GAREM2: variants seen among roughly 807,000 people sequenced by gnomAD.
GAREM2 encodes GRB2-associated and regulator of MAPK protein 2.
A neutral mutation model predicts 55.6 loss-of-function variants in GAREM2; 30 were observed. The observed-to-expected ratio is 0.54, with a 90% confidence interval of 0.40 to 0.73. GAREM2 has a LOEUF of 0.73. GAREM2 is among the 30% of genes least tolerant of loss of function. GAREM2 has a pLI of 0.00. For missense variants in GAREM2, 1,075 were observed against 1,257.7 expected, an observed-to-expected ratio of 0.85 and a Z score of 2.20; for synonymous variants, 550 against 569.1, an observed-to-expected ratio of 0.97 and a Z score of 0.48.
At chr2:26,180,369 T>A (rs1669006144) in intron 2 of GAREM2, among the ~76,000 whole-genome samples, 1 of 152,146 alleles carries the variant, frequency 6.6e-6, no homozygotes, top group South Asian at 2.1e-4. Context: ...GGGATGAACA[T>A]CCCCAAAGGG....
intron 1 of GAREM2, among the ~76,000 whole-genome samples, chr2:26,174,079 G>C (rs1427954926): frequency 6.6e-6 from 1 of 152,180 alleles, no homozygotes; most frequent in Non-Finnish European, 1.5e-5. Context: ...GCGGTAGCCG[G>C]GGCTGGCAGC....
At chr2:26,181,248 C>A in intron 2 of GAREM2, 1 of 562,434 alleles carries the variant, frequency 1.8e-6, no homozygotes, top group Non-Finnish European at 2.3e-6. Flanking sequence ...TGTCTGCATC[C>A]CCTCCTGTCC....
At chr2:26,181,954 G>A in intron 2 of GAREM2, 2 of 971,282 alleles carry the variant, frequency 2.1e-6, no homozygotes, top group Non-Finnish European at 2.4e-6. Context: ...ACTCCAGCCT[G>A]GGCGACAGCA....
At chr2:26,192,320 TAGG>T, downstream of GAREM2, 3 of 1,566,624 alleles carry the variant, frequency 1.9e-6, no homozygotes, top group Non-Finnish European at 1.8e-6. Flanking sequence ...ACTTCAGACT[TAGG>T]AGGCAGCTTC....
chr2:26,203,519 C>T, the GAREM2 span, among the ~76,000 whole-genome samples: 1 of 152,120 alleles, frequency 6.6e-6, no homozygotes, highest in African/African-American at 2.4e-5. Flanking sequence ...TGTAAAGCCC[C>T]AGACACTGTG....
chr2:26,199,972 T>C, the GAREM2 span, among the ~76,000 whole-genome samples: 1 of 152,106 alleles, frequency 6.6e-6, no homozygotes, highest in Non-Finnish European at 1.5e-5. Context: ...CCTGCCCAGA[T>C]TGCAGAATTG....
chr2:26,202,763 G>C, the GAREM2 span, among the ~76,000 whole-genome samples: 2 of 152,096 alleles, frequency 1.3e-5, no homozygotes, highest in East Asian at 1.9e-4. Context: ...CATCAAATAA[G>C]GTCTTAAAAG....
chr2:26,191,832 CTG>C (rs1196049467), downstream of GAREM2, among the ~76,000 whole-genome samples: 1 of 152,160 alleles, frequency 6.6e-6, no homozygotes, highest in Non-Finnish European at 1.5e-5. Flanking sequence ...TAACATGAAA[CTG>C]AGCACCTAGA....
the GAREM2 span, among the ~76,000 whole-genome samples, chr2:26,202,666 G>A: frequency 4.6e-5 from 7 of 152,188 alleles, no homozygotes; most frequent in Admixed American, 3.3e-4. Flanking sequence ...GCTTGAACCC[G>A]GGAGGCAGAG....
Position 26,185,271 on chromosome 2 carries a change from G to A in GAREM2, c.1423G>A (p.Glu475Lys), listed in dbSNP as rs1473858891. The change falls in exon 4 of 6, where the codon GAG becomes AAG. Residue 475 changes from glutamate to lysine, a missense_variant. Glu to Lys is a moderately conservative substitution (Grantham distance 56, BLOSUM62 1). Around this residue, in one of 6 missense-constraint regions of GAREM2, gnomAD observed 515 missense variants for 501.5 expected, o/e 1.03. Coordinates refer to ENST00000401533, the MANE Select transcript of GAREM2 (RefSeq NM_001168241.2). ...APPPPVPPKS[E>K]AVKEECRLLN... ...GCCGCCTCCAGTCCCTCCCAAATCC[G>A]AGGCGGTGAGTGAGCGCGCTGGGGG... 6.6e-7 allele frequency: 1 copy of A among 1,514,326 alleles called. No individual in the cohort carries two copies. Among genetic ancestry groups the A allele is most frequent in the African/African-American group, 1.4e-5 (1 of 70,230 alleles). 93.8% of individuals were successfully genotyped at this position (1,514,326 alleles called of 1,614,324 possible).
In GAREM2 at chr2:26,173,352, T is replaced by A; in HGVS notation, c.112+20T>A. The A allele has an allele frequency of 7.6e-7, 1 of 1,312,614 alleles. No individual in the cohort carries two copies. Among genetic ancestry groups the A allele is most frequent in the Non-Finnish European group, 9.9e-7 (1 of 1,009,680 alleles). 81.3% of individuals were successfully genotyped at this position (1,312,614 alleles called of 1,614,324 possible). A position where few individuals can be genotyped will look rare whatever the true frequency, so the allele number is the denominator to read the frequency against. ...GGCCAGGTACCGGGGTCGCTGGAGATGGGGACCGGGGTCCGCGGGGAAATG... is the reference window on the plus strand; with the variant it reads ...GGCCAGGTACCGGGGTCGCTGGAGAAGGGGACCGGGGTCCGCGGGGAAATG... On this transcript the variant is annotated intron_variant, in intron 1 of 5. Coordinates refer to ENST00000401533, the MANE Select transcript of GAREM2 (RefSeq NM_001168241.2).
At chr2:26,194,599 T>G (rs376734813), downstream of GAREM2, 1 of 1,612,616 alleles carries the variant, frequency 6.2e-7, no homozygotes, top group Non-Finnish European at 8.5e-7. Flanking sequence ...TCAGACATCA[T>G]GGGCGCAAGA....
chr2:26,185,165 G>A lies in GAREM2; in HGVS notation c.1317G>A (p.Glu439=). ...YEELWAHQGP[E]GLVRPPPGLD... ...AGTTGTGGGCGCACCAGGGGCCCGA[G>A]GGCCTCGTCCGGCCGCCCCCAGGGC... Residue 439 remains glutamate, a synonymous_variant, in exon 4 of 6, where the codon GAG becomes GAA. Transcript: ENST00000401533. 3.3e-6 allele frequency: 5 copies of A among 1,506,172 alleles called. No homozygotes were observed. The highest frequency in any genetic ancestry group is 3.5e-6 in the Non-Finnish European group (4 of 1,134,806). The allele number at this position is 1,506,172 out of a possible 1,614,324, so 93.3% of individuals were successfully genotyped here.
the GAREM2 span, among the ~76,000 whole-genome samples, chr2:26,197,238 T>C: frequency 6.6e-6 from 1 of 152,184 alleles, no homozygotes; most frequent in African/African-American, 2.4e-5. Context: ...AAAGTGCTTC[T>C]ATACCCAGCC....
chr2:26,195,102 A>G, the GAREM2 span: 1 of 1,613,288 alleles, frequency 6.2e-7, no homozygotes, highest in South Asian at 1.1e-5. Flanking sequence ...CTTAACCACA[A>G]TGATGACCTT....
intron 2 of GAREM2, 133 bp from the exon 3 acceptor site, chr2:26,182,834 C>A (rs995172845): frequency 8.0e-6 from 9 of 1,119,336 alleles, no homozygotes; most frequent in Non-Finnish European, 1.2e-5. Flanking sequence ...TGGAAACCTG[C>A]CCTTTGGCCC....
intron 4 of GAREM2, 123 bp from the exon 5 acceptor site, chr2:26,186,066 C>G: frequency 1.0e-6 from 1 of 954,452 alleles, no homozygotes; most frequent in East Asian, 2.8e-5. Context: ...GCAAGGCAGC[C>G]TATTGGCAAA....
In GAREM2 at chr2:26,188,037, C is replaced by T. The variant is rs1413186947; in HGVS notation, c.2405C>T (p.Pro802Leu). The change falls in exon 6 of 6, where the codon CCC (proline) becomes CTC (leucine). Residue 802 changes from proline to leucine, a missense_variant. Transcript: ENST00000401533. ...GTCCGAGATGCCTCCTCCTGGCAGC[C>T]CCCTGCTGACCTGTCTGCACTCTCC... ...FGVRDASSWQ[P>L]PADLSALSLE... 1 of 1,507,246 alleles carries T rather than the reference C, an allele frequency of 6.6e-7. No individual in the cohort carries two copies. The highest frequency in any genetic ancestry group is 1.3e-5 in the South Asian group (1 of 78,126). The allele number at this position is 1,507,246 out of a possible 1,614,324, so 93.4% of individuals were successfully genotyped here.
intron 1 of GAREM2, among the ~76,000 whole-genome samples, chr2:26,173,536 C>T (rs962601557): frequency 6.6e-6 from 1 of 151,880 alleles, no homozygotes. Context: ...CGGACAAGCA[C>T]AGGCACAGAC....
Sources: gnomAD v4.1 joint callset for allele counts (sites outside exome capture counted in the v4.1 genomes callset) on GRCh38, gnomAD v4.1.1 for gene constraint, gnomAD v4.1.1 regional missense constraint, MANE v1.5 for transcripts, NCBI Gene and HGNC (gene_info 2026-07-23, HGNC 2026-07-21) for gene names.